Variants in AZIN2 observed in about 807,000 individuals in gnomAD.
The protein encoded by AZIN2 is antizyme inhibitor 2.
In AZIN2, 28 loss-of-function variants were observed where a neutral mutation model predicts 47.8. That is an observed-to-expected ratio of 0.59 (90% CI 0.43 to 0.80). AZIN2 has a LOEUF of 0.80. Among genes scored for constraint, AZIN2 ranks in the 30% least tolerant of loss-of-function variants. The probability of loss-of-function intolerance (pLI) is 0.00; values close to 1 mark genes in which losing one functional copy is unlikely to be tolerated. For missense variants in AZIN2, 535 were observed against 582.5 expected, an observed-to-expected ratio of 0.92 and a Z score of 0.84; for synonymous variants, 221 against 239.4, an observed-to-expected ratio of 0.92 and a Z score of 0.71.
the AZIN2 span, among the ~76,000 whole-genome samples, chr1:33,150,359 A>G: frequency 6.6e-6 from 1 of 152,224 alleles, no homozygotes; most frequent in Non-Finnish European, 1.5e-5. Context: ...AATGATGGGG[A>G]CTGTCCCCAA....
chr1:33,161,477 G>C, the AZIN2 span, among the ~76,000 whole-genome samples: 11 of 152,078 alleles, frequency 7.2e-5, no homozygotes, highest in Non-Finnish European at 1.3e-4. The surrounding 1 kb of genome is among the most constrained non-coding windows in gnomAD (Gnocchi z 4.3). Flanking sequence ...GCTCTACAAA[G>C]GCTCAATTAG....
At chr1:33,129,730 G>A in the AZIN2 span, among the ~76,000 whole-genome samples, 1 of 152,148 alleles carries the variant, frequency 6.6e-6, no homozygotes, top group Non-Finnish European at 1.5e-5. The surrounding 1 kb of genome is among the most constrained non-coding windows in gnomAD (Gnocchi z 4.1). Context: ...TAATATCACC[G>A]ATAAAGCTCT....
intron 5 of AZIN2, among the ~76,000 whole-genome samples, chr1:33,090,582 C>G (rs1642420792): frequency 6.6e-6 from 1 of 152,120 alleles, no homozygotes; most frequent in Non-Finnish European, 1.5e-5. Flanking sequence ...ATTTATTAAG[C>G]TGACAAATAA....
chr1:33,092,763 G>A (rs948313668), intron 6 of AZIN2, among the ~76,000 whole-genome samples: 3 of 152,160 alleles, frequency 2.0e-5, no homozygotes, highest in Non-Finnish European at 4.4e-5. Context: ...GGTCGGGGGC[G>A]GGGAGCCGAT....
At chr1:33,102,406 C>T (rs1643769700) in intron 10 of AZIN2, among the ~76,000 whole-genome samples, 1 of 152,174 alleles carries the variant, frequency 6.6e-6, no homozygotes, top group Non-Finnish European at 1.5e-5. Flanking sequence ...TCCCTTAGCC[C>T]TTCCAACCTC....
At chr1:33,147,436 A>C in the AZIN2 span, 4 of 1,613,958 alleles carry the variant, frequency 2.5e-6, no homozygotes, top group Non-Finnish European at 3.4e-6. This position sits in a 1 kb window ranked among gnomAD's most constrained non-coding sequence, Gnocchi z 8.1. Context: ...ATCGTGCATC[A>C]CGATGCAGTA....
chr1:33,107,691 A>G (rs1644083596), intron 10 of AZIN2, among the ~76,000 whole-genome samples: 1 of 152,238 alleles, frequency 6.6e-6, no homozygotes, highest in Non-Finnish European at 1.5e-5. Flanking sequence ...CAATGTTTCT[A>G]TATGCTAACT....
chr1:33,157,886 A>G, the AZIN2 span, among the ~76,000 whole-genome samples: 2 of 151,920 alleles, frequency 1.3e-5, no homozygotes, highest in African/African-American at 4.8e-5. Context: ...CCTCTCGAGT[A>G]GCTGGGATTA....
chr1:33,155,284 C>A, the AZIN2 span, among the ~76,000 whole-genome samples: 2 of 151,852 alleles, frequency 1.3e-5, no homozygotes, highest in Non-Finnish European at 2.9e-5. Flanking sequence ...GTTGGCCAGG[C>A]TGGTCTCGAA....
At chr1:33,153,117 A>G in the AZIN2 span, among the ~76,000 whole-genome samples, 1 of 152,166 alleles carries the variant, frequency 6.6e-6, no homozygotes, top group Admixed American at 6.5e-5. Context: ...AGGTGACCCA[A>G]TAGGAAGCCT....
intron 5 of AZIN2, among the ~76,000 whole-genome samples, chr1:33,090,945 A>G (rs1421314042): frequency 6.6e-6 from 1 of 152,104 alleles, no homozygotes; most frequent in Non-Finnish European, 1.5e-5. Context: ...GAGATCATGC[A>G]TGTTTGTCTT....
downstream of AZIN2, among the ~76,000 whole-genome samples, chr1:33,124,257 C>G (rs1413911810): frequency 6.6e-6 from 1 of 152,194 alleles, no homozygotes; most frequent in Non-Finnish European, 1.5e-5. The surrounding 1 kb of genome is among the most constrained non-coding windows in gnomAD (Gnocchi z 4.6). Context: ...AGGGAGCTCA[C>G]AGTGCAGCAT....
downstream of AZIN2, among the ~76,000 whole-genome samples, chr1:33,124,335 G>A (rs1177761376): frequency 3.3e-5 from 5 of 152,112 alleles, no homozygotes; most frequent in East Asian, 1.9e-4. This position sits in a 1 kb window ranked among gnomAD's most constrained non-coding sequence, Gnocchi z 4.6. Flanking sequence ...TAGGGAGCCC[G>A]CTATGCTTCT....
chr1:33,083,897 C>A, intron 4 of AZIN2, 57 bp from the exon 5 acceptor site: 1 of 1,597,046 alleles, frequency 6.3e-7, no homozygotes, highest in Non-Finnish European at 8.6e-7. Flanking sequence ...TCACGGATGG[C>A]ATGCACAGGG....
chr1:33,099,046 C>T (rs148658262), intron 10 of AZIN2, among the ~76,000 whole-genome samples: 37 of 152,180 alleles, frequency 2.4e-4, no homozygotes, highest in African/African-American at 7.9e-4. Flanking sequence ...ATTACAGGCA[C>T]GAGCCACCAT....
At chr1:33,105,566 A>G (rs369674715) in intron 10 of AZIN2, among the ~76,000 whole-genome samples, 13 of 152,272 alleles carry the variant, frequency 8.5e-5, no homozygotes, top group African/African-American at 3.1e-4. Context: ...TGAAGGGGGA[A>G]CTTCCAAACA....
chr1:33,158,489 G>C, the AZIN2 span: 4 of 721,160 alleles, frequency 5.5e-6, no homozygotes, highest in Middle Eastern at 2.5e-4. Flanking sequence ...AGAAGTCTGT[G>C]GGACTCAGAT....
intron 10 of AZIN2, among the ~76,000 whole-genome samples, chr1:33,116,976 A>C (rs1393996577): frequency 1.3e-5 from 2 of 152,214 alleles, no homozygotes; most frequent in Non-Finnish European, 2.9e-5. Context: ...TGGTGACTCT[A>C]GGATCTGCCT....
the AZIN2 span, among the ~76,000 whole-genome samples, chr1:33,135,957 T>C: frequency 7.6e-6 from 1 of 130,864 alleles, no homozygotes; most frequent in Non-Finnish European, 1.6e-5. Flanking sequence ...CTGCCGGTAA[T>C]GTATTTCTTT....
Sources: allele counts gnomAD v4.1 joint callset (sites outside exome capture counted in the v4.1 genomes callset), GRCh38; gene constraint gnomAD v4.1.1; non-coding constraint Gnocchi (gnomAD v3.1); transcripts MANE v1.5; gene names NCBI Gene and HGNC (gene_info 2026-07-23, HGNC 2026-07-21).